The following INIP variants were observed in gnomAD, a reference collection of about 807,000 sequenced individuals.
INIP encodes the protein INTS3 and NABP interacting protein, also known as SOSS complex subunit C.
In INIP, 9 loss-of-function variants were observed where a neutral mutation model predicts 14.0. That is an observed-to-expected ratio of 0.64 (90% CI 0.39 to 1.12). INIP has a LOEUF of 1.12. Among genes scored for constraint, INIP ranks in the 50% most tolerant of loss-of-function variants. INIP has a pLI of 0.01. For synonymous variants in INIP, 37 were observed against 41.5 expected (o/e 0.89, Z 0.41); for missense variants, 78 against 122.7 (o/e 0.64, Z 1.72).
intron 2 of INIP, among the ~76,000 whole-genome samples, chr9:112,710,156 T>C (rs1351343549): frequency 6.6e-6 from 1 of 152,170 alleles, no homozygotes; most frequent in Non-Finnish European, 1.5e-5. Context: ...GGTGAAGACT[T>C]GTACTTGGGT....
chr9:112,713,222 T>A (rs961903751), intron 2 of INIP, among the ~76,000 whole-genome samples: 1 of 152,224 alleles, frequency 6.6e-6, no homozygotes, highest in Admixed American at 6.5e-5. Flanking sequence ...GCATTTGTCA[T>A]CAAGGAAATG....
intron 2 of INIP, among the ~76,000 whole-genome samples, chr9:112,705,602 C>T (rs531818153): frequency 3.9e-5 from 6 of 152,328 alleles, no homozygotes; most frequent in African/African-American, 1.4e-4. Context: ...TAAGCCACCA[C>T]ACCCAGCCTA....
rs2131275646 is a variant in INIP at position 112,687,317 on chromosome 9, G to T, written c.*221C>A. On this transcript the variant is annotated 3_prime_UTR_variant, in exon 5 of 5. Transcript: ENST00000374242. ...TAAACAGCATTACAAAAAAGTTACA[G>T]TCACGGTACATAATCAATTCCTTGG... 2.4e-6 allele frequency: 1 copy of T among 414,278 alleles called. No homozygotes were observed. Among genetic ancestry groups the T allele is most frequent in the East Asian group, 3.7e-5 (1 of 26,928 alleles). The allele number at this position is 414,278 out of a possible 1,614,324, so 25.7% of individuals were successfully genotyped here. A position where few individuals can be genotyped will look rare whatever the true frequency, so the allele number is the denominator to read the frequency against.
intron 2 of INIP, among the ~76,000 whole-genome samples, chr9:112,702,445 T>C (rs892203739): frequency 6.6e-6 from 1 of 152,218 alleles, no homozygotes; most frequent in African/African-American, 2.4e-5. Context: ...ATTAGTAATA[T>C]TGAAAATTAC....
intron 2 of INIP, among the ~76,000 whole-genome samples, chr9:112,705,104 C>G (rs1292093757): frequency 1.8e-5 from 2 of 113,752 alleles, no homozygotes; most frequent in African/African-American, 7.3e-5. Flanking sequence ...GAGTGAGACC[C>G]TGTCTCAAAA....
intron 3 of INIP, 52 bp from the exon 4 acceptor site, chr9:112,689,669 T>G: frequency 7.5e-7 from 1 of 1,331,794 alleles, no homozygotes; most frequent in Non-Finnish European, 1.1e-6. Flanking sequence ...ACATCCTTAC[T>G]TTTTTTTGGA....
In INIP at chr9:112,684,752, A is replaced by G. The variant is rs1401384546; in HGVS notation, c.*2786T>C. The G allele has an allele frequency of 6.6e-6, 1 of 152,116 alleles. No homozygotes were observed. Among genetic ancestry groups the G allele is most frequent in the Non-Finnish European group, 1.5e-5 (1 of 68,034 alleles). The allele number at this position is 152,116 out of a possible 1,614,324, so 9.4% of individuals were successfully genotyped here. On this transcript the variant is annotated 3_prime_UTR_variant, in exon 5 of 5. Transcript: ENST00000374242. ...GGTTGAGGCTTTTGCACTTTGAAAA[A>G]CACTAGTCTAGACAATTTCTGACAT...
chr9:112,694,164 T>C lies in INIP; in HGVS notation c.95A>G (p.Gln32Arg). The change falls in exon 3 of 5, where the codon CAG becomes CGG. Residue 32 changes from glutamine to arginine, a missense_variant. Physicochemically the swap from Gln to Arg is conservative, Grantham distance 43. Transcript: ENST00000374242. Reference sequence around the variant, plus strand: ...AGGATGATTTGTTGAAGACTGGTTCTGCATAAGTAGTTTTCTTTTCTCTTT... The same window carrying C: ...AGGATGATTTGTTGAAGACTGGTTCCGCATAAGTAGTTTTCTTTTCTCTTT... ...LDKEKRKLLM[Q>R]NQSSTNHPGA... 1.2e-6 allele frequency: 2 copies of C among 1,610,908 alleles called. No homozygotes were observed. Among genetic ancestry groups the C allele is most frequent in the Non-Finnish European group, 1.7e-6 (2 of 1,178,532 alleles).
At position 112,696,548 on chromosome 9, in the gene INIP, A is replaced by T. The variant is rs79567860; in HGVS notation, c.26-2315T>A. ...CACCAGCTGAGTGTCCTATAATTCA[A>T]TTCTGATACTATCTACCTGGAGATA... On this transcript the variant is annotated intron_variant, in intron 2 of 4. Transcript: ENST00000374242. Among the ~76,000 whole-genome samples the T allele has an allele frequency of 2.6e-5, 4 of 152,200 alleles. No homozygotes were observed. The East Asian group carries it at 7.7e-4, about 29-fold the overall frequency.
Position 112,684,509 on chromosome 9 carries a change from A to C in INIP, c.*3029T>G, listed in dbSNP as rs1337351238. 1 of 152,210 alleles carries C rather than the reference A, an allele frequency of 6.6e-6. No individual in the cohort carries two copies. The highest frequency in any genetic ancestry group is 1.5e-5 in the Non-Finnish European group (1 of 68,078). The allele number at this position is 152,210 out of a possible 1,614,324, so 9.4% of individuals were successfully genotyped here. ...TCAAGGAGTCTTGCAGTGAGCTATG[A>C]TTATACCACTGCACTCCAGCCTGGA... On this transcript the variant is annotated 3_prime_UTR_variant, in exon 5 of 5. Transcript: ENST00000374242.
rs1408631258 is a variant in INIP at position 112,713,820 on chromosome 9, G to A, written c.25+2641C>T. On this transcript the variant is annotated intron_variant, in intron 2 of 4. Transcript: ENST00000374242. Reference sequence around the variant, plus strand: ...AGACTGGCTAACATGGTGAAACCCCGTTTCTACAAAAAAATTAGCCAGGCG... The same window carrying A: ...AGACTGGCTAACATGGTGAAACCCCATTTCTACAAAAAAATTAGCCAGGCG... 5.3e-5 allele frequency among the ~76,000 whole-genome samples: 8 copies of A among 152,102 alleles called. 2 individuals are homozygous for A. The South Asian group carries it at 1.0e-3, about 20-fold the overall frequency.
chr9:112,695,687 C>CA (rs1213711365), intron 2 of INIP, among the ~76,000 whole-genome samples: 1 of 148,852 alleles, frequency 6.7e-6, no homozygotes, highest in East Asian at 2.0e-4. Context: ...CTAGTAATAG[C>CA]AGACTCCCTC....
At chr9:112,706,565 A>C (rs186545558) in intron 2 of INIP, among the ~76,000 whole-genome samples, 3 of 151,954 alleles carry the variant, frequency 2.0e-5, no homozygotes, top group Admixed American at 2.0e-4. Flanking sequence ...ATAATTTTCT[A>C]TGGTAAGATT....
intron 3 of INIP, among the ~76,000 whole-genome samples, chr9:112,692,331 G>T (rs1245938482): frequency 6.6e-6 from 1 of 152,166 alleles, no homozygotes; most frequent in Non-Finnish European, 1.5e-5. Context: ...ATATCATCCA[G>T]GCTGGATTGC....
At chr9:112,703,264 A>G (rs557651677) in intron 2 of INIP, among the ~76,000 whole-genome samples, 1 of 152,302 alleles carries the variant, frequency 6.6e-6, no homozygotes, top group East Asian at 1.9e-4. Flanking sequence ...TGAGATAGAA[A>G]AAGATTTAGT....
intron 2 of INIP, among the ~76,000 whole-genome samples, chr9:112,700,077 CAATT>C (rs1450130536): frequency 3.3e-5 from 5 of 152,102 alleles, no homozygotes; most frequent in African/African-American, 1.2e-4. Context: ...TAAATAACCA[CAATT>C]AATTACTTAC....
chr9:112,708,845 CTTTT>C (rs763882544), intron 2 of INIP, among the ~76,000 whole-genome samples: 1 of 144,876 alleles, frequency 6.9e-6, no homozygotes, highest in Non-Finnish European at 1.5e-5. Context: ...TTTTTATTAA[CTTTT>C]TTTTTTTTTC....
chr9:112,698,471 G>A (rs924151981), intron 2 of INIP, among the ~76,000 whole-genome samples: 2 of 152,096 alleles, frequency 1.3e-5, no homozygotes, highest in African/African-American at 4.8e-5. Flanking sequence ...ATGGCAATCT[G>A]ATGGTAAAAG....
At chr9:112,698,573 T>A (rs1004844855) in intron 2 of INIP, among the ~76,000 whole-genome samples, 4 of 152,206 alleles carry the variant, frequency 2.6e-5, no homozygotes, top group African/African-American at 9.7e-5. Flanking sequence ...GTCCACTGAT[T>A]TAGAGAATCA....
Sources: gnomAD v4.1 joint callset for allele counts (sites outside exome capture counted in the v4.1 genomes callset) on GRCh38, gnomAD v4.1.1 for gene constraint, MANE v1.5 for transcripts, NCBI Gene and HGNC (gene_info 2026-07-23, HGNC 2026-07-21) for gene names.